Variants in KAT6B observed in about 807,000 individuals in gnomAD.
KAT6B encodes the protein histone acetyltransferase KAT6B.
KAT6B carries 10 observed loss-of-function variants against 187.5 expected under a neutral mutation model. That is an observed-to-expected ratio of 0.05 (90% confidence interval 0.03 to 0.09). KAT6B has a LOEUF of 0.09. Ranked by LOEUF, KAT6B falls within the 10% of genes least tolerant of loss-of-function variation. KAT6B has a pLI of 1.00. For synonymous variants in KAT6B, 861 were observed against 926.8 expected (o/e 0.93, Z 1.29); for missense variants, 1,952 against 2,558.9 (o/e 0.76, Z 5.12).
chr10:74,863,443 G>C (rs2132313319), intron 3 of KAT6B, among the ~76,000 whole-genome samples: 1 of 152,252 alleles, frequency 6.6e-6, no homozygotes, highest in East Asian at 1.9e-4. Context: ...TGCATGTGTG[G>C]ATAATTATTT....
intron 1 of KAT6B, among the ~76,000 whole-genome samples, chr10:74,834,191 A>T (rs1258943041): frequency 6.8e-6 from 1 of 147,938 alleles, no homozygotes; most frequent in African/African-American, 2.5e-5. Flanking sequence ...TTCACAGCCA[A>T]CTTTATTTCT....
chr10:75,029,191 A>G lies in KAT6B; in HGVS notation c.4367A>G (p.Gln1456Arg). 1.2e-6 allele frequency: 2 copies of G among 1,614,168 alleles called. No homozygotes were observed. The highest frequency in any genetic ancestry group is 8.5e-7 in the Non-Finnish European group (1 of 1,180,030). Reference protein sequence around the residue: ...RESFKEVLENQETFLDLNVQP... With the variant: ...RESFKEVLENRETFLDLNVQP... ...AGCTTCAAAGAAGTACTGGAAAACC[A>G]GGAGACTTTTTTAGACCTTAATGTG... Residue 1456 changes from glutamine to arginine, a missense_variant, in exon 18 of 18, where the codon CAG becomes CGG. Physicochemically the swap from Gln to Arg is conservative, Grantham distance 43. This residue lies in a region of KAT6B where 758 missense variants were observed against 891.4 expected (regional missense o/e 0.85). Transcript: ENST00000287239. This position sits in a 1 kb window ranked among gnomAD's most constrained non-coding sequence, Gnocchi z 6.2.
intron 3 of KAT6B, among the ~76,000 whole-genome samples, chr10:74,950,537 T>A (rs1242722423): frequency 1.3e-5 from 2 of 152,208 alleles, no homozygotes; most frequent in African/African-American, 4.8e-5. Flanking sequence ...CAGATTGCTG[T>A]GAGGGAAAAT....
chr10:75,009,891 C>T (rs1216002506), intron 13 of KAT6B, among the ~76,000 whole-genome samples: 1 of 152,176 alleles, frequency 6.6e-6, no homozygotes, highest in Non-Finnish European at 1.5e-5. Flanking sequence ...ATCCCAGCTA[C>T]TCGGGAGGCT....
At chr10:75,013,518 TTTCTC>T (rs1218451095) in intron 13 of KAT6B, among the ~76,000 whole-genome samples, 22 of 152,260 alleles carry the variant, frequency 1.4e-4, no homozygotes, top group African/African-American at 5.3e-4. Flanking sequence ...AAAGTTAGCT[TTTCTC>T]AATCTGATTC....
chr10:75,028,650 C>G lies in KAT6B; in HGVS notation c.3826C>G (p.Pro1276Ala). The G allele has an allele frequency of 6.2e-7, 1 of 1,614,078 alleles. No homozygotes were observed. Among genetic ancestry groups the G allele is most frequent in the Non-Finnish European group, 8.5e-7 (1 of 1,180,036 alleles). ...KTGFKLNLYT[P>A]PETPMEPDEQ... ...CGGATTTAAACTGAATTTGTACACC[C>G]CGCCAGAAACACCCATGGAGCCTGA... Residue 1276 changes from proline (P) to alanine (A), a missense_variant, in exon 18 of 18, where the codon CCG becomes GCG. Coordinates refer to ENST00000287239, the MANE Select transcript of KAT6B (RefSeq NM_012330.4).
chr10:75,007,818 C>A (rs1268791053), intron 13 of KAT6B, among the ~76,000 whole-genome samples: 1 of 152,120 alleles, frequency 6.6e-6, no homozygotes, highest in Non-Finnish European at 1.5e-5. Flanking sequence ...ACTCTTGAAA[C>A]TGAAAACTTA....
chr10:74,930,046 A>G (rs1397403758), intron 3 of KAT6B, among the ~76,000 whole-genome samples: 1 of 151,474 alleles, frequency 6.6e-6, no homozygotes, highest in East Asian at 1.9e-4. Context: ...CAGCCTCCAG[A>G]GTAGCTGGGA....
rs1842926049 is a variant in KAT6B, at chr10:74,988,050, T to G, written c.2536-969T>G. ...TTTTTCACAAAGAAATCTTCAATTC[T>G]GCCCTGTAGGGTTTTTTCCACAACC... On this transcript the variant is annotated intron_variant, in intron 12 of 17. Coordinates refer to ENST00000287239, the MANE Select transcript of KAT6B (RefSeq NM_012330.4). 2.6e-5 allele frequency among the ~76,000 whole-genome samples: 4 copies of G among 152,352 alleles called. No individual in the cohort carries two copies. The South Asian group carries it at 8.3e-4, about 32-fold the overall frequency.
chr10:74,956,042 A>G lies in KAT6B; in HGVS notation c.622-3928A>G, dbSNP rs529950062. On this transcript the variant is annotated intron_variant, in intron 3 of 17. Coordinates refer to ENST00000287239, the MANE Select transcript of KAT6B (RefSeq NM_012330.4). The stretch of plus-strand genomic sequence containing the variant: ...CAGCTCAAGCCGTCCTCCCACCTCA[A>G]CTCCCCAAGTAGCTGGGACCACAGG... Among the ~76,000 whole-genome samples the G allele has an allele frequency of 2.0e-5, 3 of 151,402 alleles. 1 individual carries two copies. Among genetic ancestry groups the G allele is most frequent in the African/African-American group, 7.3e-5 (3 of 41,222 alleles).
chr10:75,020,439 G>C, intron 13 of KAT6B, 143 bp from the exon 14 acceptor site: 1 of 678,282 alleles, frequency 1.5e-6, no homozygotes, highest in Non-Finnish European at 2.6e-6. Flanking sequence ...CTATAACTGG[G>C]AAGAGGCTAC....
intron 3 of KAT6B, among the ~76,000 whole-genome samples, chr10:74,905,938 C>CA (rs2132834329): frequency 6.6e-6 from 1 of 152,240 alleles, no homozygotes; most frequent in South Asian, 2.1e-4. Flanking sequence ...TTGCCCTTCT[C>CA]ACATTTCGGC....
chr10:75,028,173 AT>A (rs879470342), intron 17 of KAT6B, among the ~76,000 whole-genome samples: 81 of 148,194 alleles, frequency 5.5e-4, no homozygotes, highest in Middle Eastern at 3.5e-3. Context: ...GTTCAAATTG[AT>A]TTTTTTTTTT....
chr10:75,020,939 TC>T, intron 14 of KAT6B, 126 bp downstream of exon 14: 1 of 987,666 alleles, frequency 1.0e-6, no homozygotes, highest in Non-Finnish European at 1.6e-6. Flanking sequence ...AAACCTTTTC[TC>T]CTAAAAATAA....
At chr10:74,838,434 AG>A (rs774929556) in intron 1 of KAT6B, among the ~76,000 whole-genome samples, 5 of 152,170 alleles carry the variant, frequency 3.3e-5, no homozygotes, top group Non-Finnish European at 7.3e-5. Flanking sequence ...AAATTTGAAC[AG>A]GTCTGGGCTT....
chr10:74,977,063 TCTTA>T (rs1842207584), intron 8 of KAT6B: 2 of 398,488 alleles, frequency 5.0e-6, no homozygotes, highest in Admixed American at 7.6e-5. Flanking sequence ...TTTGTATTGC[TCTTA>T]CTTTCCCTCA....
At chr10:74,872,574 C>T (rs901217672) in intron 3 of KAT6B, among the ~76,000 whole-genome samples, 4 of 151,948 alleles carry the variant, frequency 2.6e-5, no homozygotes, top group Non-Finnish European at 5.9e-5. Context: ...GACAGGGTCT[C>T]ACTATGTTAC....
intron 1 of KAT6B, among the ~76,000 whole-genome samples, chr10:74,830,415 C>T (rs1322167925): frequency 3.3e-5 from 5 of 151,920 alleles, no homozygotes; most frequent in African/African-American, 9.7e-5. Flanking sequence ...ATGAAATTGC[C>T]GGTTTATAGC....
chr10:75,004,993 G>T (rs1415320448), intron 13 of KAT6B, among the ~76,000 whole-genome samples: 1 of 152,090 alleles, frequency 6.6e-6, no homozygotes, highest in East Asian at 1.9e-4. Flanking sequence ...GGGATTACAG[G>T]TGTGAGCCAC....
Sources: allele counts gnomAD v4.1 joint callset (sites outside exome capture counted in the v4.1 genomes callset), GRCh38; gene constraint gnomAD v4.1.1; regional missense constraint gnomAD v4.1.1; non-coding constraint Gnocchi (gnomAD v3.1); transcripts MANE v1.5; gene names NCBI Gene and HGNC (gene_info 2026-07-23, HGNC 2026-07-21).